The following POLR3E variants were observed in gnomAD, a reference collection of about 807,000 sequenced individuals.
The protein encoded by POLR3E is RNA polymerase III subunit E.
Under a neutral mutation model 96.6 loss-of-function variants are expected in POLR3E, and 41 were observed. The observed-to-expected ratio is 0.42, with a 90% CI of 0.33 to 0.55. POLR3E has a LOEUF of 0.55. POLR3E is among the 20% of genes least tolerant of loss of function. The pLI is 0.06. For synonymous variants in POLR3E, 396 were observed against 383.6 expected (o/e 1.03, Z -0.38); for missense variants, 849 against 952.1 (o/e 0.89, Z 1.43).
intron 14 of POLR3E, among the ~76,000 whole-genome samples, chr16:22,323,729 G>A (rs756699780): frequency 7.2e-5 from 11 of 152,138 alleles, no homozygotes; most frequent in Non-Finnish European, 1.3e-4. Context: ...ATACAGTGCC[G>A]TTTGCCCCCA....
intron 19 of POLR3E, chr16:22,331,764 A>G (rs1296293521): frequency 4.2e-6 from 1 of 238,576 alleles, no homozygotes. Flanking sequence ...CAAGCCACTC[A>G]TCCTCTCATG....
At chr16:22,321,923 G>A (rs542889735) in intron 13 of POLR3E, among the ~76,000 whole-genome samples, 2 of 152,216 alleles carry the variant, frequency 1.3e-5, no homozygotes, top group Non-Finnish European at 2.9e-5. Flanking sequence ...CCTCCATTCA[G>A]TCACTATGGC....
rs758578884 is a variant in POLR3E, at chr16:22,331,997, G to A, written c.1945-63G>A. On this transcript the variant is annotated intron_variant, in intron 19 of 20. Transcript: ENST00000299853. ...GTCAGGTGCATGGCTTGGGTGTCTT[G>A]TTTGGGGATGTTTCTCTTTTTAGAT... 4.9e-5 allele frequency: 76 copies of A among 1,560,128 alleles called. No homozygotes were observed. The Middle Eastern group carries it at 1.0e-3, about 21-fold the overall frequency.
In POLR3E at chr16:22,326,216, A is replaced by G. The variant is rs527434936; in HGVS notation, c.1804A>G (p.Ile602Val). ...LPPGHTLFSGISDRMLQDTVL... is the reference protein window; with the variant it reads ...LPPGHTLFSGVSDRMLQDTVL... ...CCCCGGCCACACACTCTTCAGCGGC[A>G]TCTCGGACCGCATGCTACAGGACAC... The change falls in exon 18 of 21, where the codon ATC becomes GTC. Residue 602 changes from isoleucine (I) to valine (V), a missense_variant. By Grantham distance (29) the Ile-to-Val change is conservative. Coordinates refer to ENST00000299853, the MANE Select transcript of POLR3E (RefSeq NM_018119.4). 10 of 1,611,626 alleles carry G rather than the reference A, an allele frequency of 6.2e-6. No homozygotes were observed. In the East Asian group the frequency reaches 1.8e-4, roughly 29 times the overall value.
At chr16:22,315,055 C>T in intron 8 of POLR3E, 34 bp from the exon 9 acceptor site, 3 of 1,609,692 alleles carry the variant, frequency 1.9e-6, no homozygotes, top group Non-Finnish European at 1.7e-6. Context: ...GGTCACAGGC[C>T]TGACGGTATG....
At chr16:22,323,232 T>TA (rs1011027673) in intron 14 of POLR3E, among the ~76,000 whole-genome samples, 32 of 152,078 alleles carry the variant, frequency 2.1e-4, no homozygotes, top group African/African-American at 7.7e-4. Context: ...AATTTTGATG[T>TA]AAAAAAAATC....
chr16:22,308,482 CG>C (rs1227651093), intron 4 of POLR3E: 1 of 522,822 alleles, frequency 1.9e-6, no homozygotes, highest in Non-Finnish European at 3.5e-6. Context: ...AAGACGAGGG[CG>C]GGCGGGTGAA....
At chr16:22,320,565 G>C (rs2048452492) in intron 13 of POLR3E, among the ~76,000 whole-genome samples, 1 of 152,122 alleles carries the variant, frequency 6.6e-6, no homozygotes, top group Non-Finnish European at 1.5e-5. Context: ...CCGGCCTGGT[G>C]TATTTTAATT....
chr16:22,310,505 T>G (rs887785261), intron 6 of POLR3E, among the ~76,000 whole-genome samples: 2 of 151,418 alleles, frequency 1.3e-5, no homozygotes, highest in Admixed American at 6.6e-5. Context: ...CAGGCTGATA[T>G]CAAACTCCTG....
chr16:22,333,776 T>TG lies in POLR3E; in HGVS notation c.*77dup. ...CGGAACCAGAAGTAGGGCCTCGACT[T>TG]GCTTCAGACGACACAGAGCAAGAGG... On this transcript the variant is annotated 3_prime_UTR_variant, in exon 21 of 21. Transcript: ENST00000299853. 1 of 977,432 alleles carries TG rather than the reference T, an allele frequency of 1.0e-6. No homozygotes were observed. The highest frequency in any genetic ancestry group is 1.7e-6 in the Non-Finnish European group (1 of 600,368). 60.5% of individuals were successfully genotyped at this position (977,432 alleles called of 1,614,324 possible).
Position 22,322,854 on chromosome 16 carries a change from A to T in POLR3E, c.991A>T (p.Ile331Phe). 1 of 1,611,978 alleles carries T rather than the reference A, an allele frequency of 6.2e-7. No homozygotes were observed. The highest frequency in any genetic ancestry group is 8.5e-7 in the Non-Finnish European group (1 of 1,178,562). The change falls in exon 14 of 21, where the codon ATC becomes TTC. Residue 331 changes from isoleucine (I) to phenylalanine (F), a missense_variant. Ile to Phe is a conservative substitution (Grantham distance 21). Transcript: ENST00000299853. This position sits in a 1 kb window ranked among gnomAD's most constrained non-coding sequence, Gnocchi z 5.2. ...VQGNWVVKSD[I>F]LYPKDSSSPH... The stretch of plus-strand genomic sequence containing the variant: ...CATCCTCACCTGCATTGGCAGTGAC[A>T]TCCTATACCCCAAGGACTCGTCCAG...
chr16:22,314,048 G>T (rs371757809), intron 7 of POLR3E, 31 bp from the exon 8 acceptor site: 9 of 1,602,804 alleles, frequency 5.6e-6, no homozygotes, highest in Non-Finnish European at 7.7e-6. Flanking sequence ...GGCTCCCCAG[G>T]ACTGCAGTCA....
chr16:22,313,649 A>C lies in POLR3E; in HGVS notation c.394A>C (p.Ile132Leu). Reference sequence around the variant, plus strand: ...GCTCCACCTGACACCTTTACATGGCATCCTGCAGCTGCGGCCCAGCTTCTC... The same window carrying C: ...GCTCCACCTGACACCTTTACATGGCCTCCTGCAGCTGCGGCCCAGCTTCTC... Reference protein sequence around the residue: ...GELHLTPLHGILQLRPSFSYL... With the variant: ...GELHLTPLHGLLQLRPSFSYL... Residue 132 changes from isoleucine (I) to leucine (L), a missense_variant, in exon 7 of 21, where the codon ATC becomes CTC. Ile to Leu is a conservative substitution (Grantham distance 5). Transcript: ENST00000299853. This position sits in a 1 kb window ranked among gnomAD's most constrained non-coding sequence, Gnocchi z 4.1. 6.2e-7 allele frequency: 1 copy of C among 1,613,880 alleles called. No individual in the cohort carries two copies. Among genetic ancestry groups the C allele is most frequent in the Non-Finnish European group, 8.5e-7 (1 of 1,179,828 alleles).
chr16:22,334,291 A>C lies in POLR3E; in HGVS notation c.*591A>C, dbSNP rs1048514225. On this transcript the variant is annotated 3_prime_UTR_variant, in exon 21 of 21. Transcript: ENST00000299853. Reference sequence around the variant, plus strand: ...CTGTTTACATGAACCATAGCAAAAAAATCAGAATCAAATCCATCTCCTTTT... The same window carrying C: ...CTGTTTACATGAACCATAGCAAAAACATCAGAATCAAATCCATCTCCTTTT... 6.6e-6 allele frequency: 1 copy of C among 152,242 alleles called. No individual in the cohort carries two copies. The highest frequency in any genetic ancestry group is 2.4e-5 in the African/African-American group (1 of 41,454). 9.4% of individuals were successfully genotyped at this position (152,242 alleles called of 1,614,324 possible).
intron 20 of POLR3E, among the ~76,000 whole-genome samples, chr16:22,332,621 A>C (rs912526333): frequency 6.6e-6 from 1 of 152,144 alleles, no homozygotes; most frequent in Non-Finnish European, 1.5e-5. Flanking sequence ...CGTCTTCTAA[A>C]ATGATAGGGC....
At chr16:22,304,401 CAG>C (rs1255388579) in intron 2 of POLR3E, among the ~76,000 whole-genome samples, 2 of 152,138 alleles carry the variant, frequency 1.3e-5, no homozygotes, top group East Asian at 1.9e-4. Flanking sequence ...GGAGTTACAA[CAG>C]GGGGGTTGGT....
chr16:22,330,822 AAAG>A (rs978689625), intron 19 of POLR3E, among the ~76,000 whole-genome samples: 17 of 152,148 alleles, frequency 1.1e-4, no homozygotes, highest in Admixed American at 1.1e-3. Context: ...TAGCAAAAAA[AAAG>A]GAGAATCAAA....
intron 1 of POLR3E, 81 bp from the exon 2 acceptor site, chr16:22,302,850 G>A (rs2048054530): frequency 2.1e-6 from 2 of 949,616 alleles, no homozygotes; most frequent in Non-Finnish European, 3.5e-6. Flanking sequence ...CCCCCTCCCA[G>A]TGCAGGGCCT....
Position 22,319,352 on chromosome 16 carries a change from G to T in POLR3E, c.986+406G>T, listed in dbSNP as rs570421809. Among the ~76,000 whole-genome samples, 6 of 152,070 alleles carry T rather than the reference G, an allele frequency of 3.9e-5. No homozygotes were observed. In the East Asian group the frequency reaches 1.2e-3, roughly 29 times the overall value. On this transcript the variant is annotated intron_variant, in intron 13 of 20. Coordinates refer to ENST00000299853, the MANE Select transcript of POLR3E (RefSeq NM_018119.4). ...CTAGTGCTTTGGGTTTAAATCTACA[G>T]TGCTTTCTATTTGTCCTGCCTACAT... is the stretch of plus-strand genomic sequence containing the variant.
Sources: gnomAD v4.1 joint callset for allele counts (sites outside exome capture counted in the v4.1 genomes callset) on GRCh38, gnomAD v4.1.1 for gene constraint, Gnocchi (gnomAD v3.1) non-coding constraint, MANE v1.5 for transcripts, NCBI Gene and HGNC (gene_info 2026-07-23, HGNC 2026-07-21) for gene names.